The following LYRM4 variants were observed in gnomAD, a reference collection of about 807,000 sequenced individuals.
LYRM4 encodes LYR motif containing 4.
LYRM4 carries 9 observed loss-of-function variants against 11.7 expected under a neutral mutation model. That is an observed-to-expected ratio of 0.77 (90% CI 0.46 to 1.34). LYRM4 has a LOEUF of 1.34. LYRM4 is among the 40% of genes most tolerant of loss of function. The pLI is 0.00. For missense variants in LYRM4, 133 were observed against 112.5 expected, an observed-to-expected ratio of 1.18 and a Z score of -0.82; for synonymous variants, 42 against 40.4, an observed-to-expected ratio of 1.04 and a Z score of -0.15.
chr6:5,184,173 A>T lies in LYRM4; in HGVS notation c.207+32445T>A, dbSNP rs930273555. Among the ~76,000 whole-genome samples, 5 of 152,178 alleles carry T rather than the reference A, an allele frequency of 3.3e-5. No homozygotes were observed. The East Asian group carries it at 9.7e-4, about 29-fold the overall frequency. On this transcript the variant is annotated intron_variant, in intron 2 of 2. Transcript: ENST00000330636. The stretch of plus-strand genomic sequence containing the variant: ...TCAGACTTGCCTGCATTGAAGACAA[A>T]TTTTTTTCATACATATTCTTAACGA...
chr6:5,120,944 C>T (rs564593120), intron 2 of LYRM4, among the ~76,000 whole-genome samples: 1 of 152,304 alleles, frequency 6.6e-6, no homozygotes, highest in Non-Finnish European at 1.5e-5. Context: ...GGTGGCCCAG[C>T]CCTACCTGTG....
chr6:5,108,596 T>G lies in LYRM4; in HGVS notation c.*827A>C. The G allele has an allele frequency of 2.8e-6, 1 of 357,868 alleles. No individual in the cohort carries two copies. Among genetic ancestry groups the G allele is most frequent in the Non-Finnish European group, 3.9e-6 (1 of 255,968 alleles). The allele number at this position is 357,868 out of a possible 1,614,324, so 22.2% of individuals were successfully genotyped here. A position where few individuals can be genotyped will look rare whatever the true frequency, so the allele number is the denominator to read the frequency against. On this transcript the variant is annotated 3_prime_UTR_variant, in exon 3 of 3. Transcript: ENST00000330636. ...AGGGAAGTGCTGAGAGATGTCTTTT[T>G]AAAAAGCTCTCCAACTCTCCAGGTG...
At chr6:5,180,776 C>A (rs1036564246) in intron 2 of LYRM4, among the ~76,000 whole-genome samples, 3 of 152,210 alleles carry the variant, frequency 2.0e-5, no homozygotes, top group African/African-American at 7.2e-5. Flanking sequence ...ATTCTCCTTG[C>A]CAATCCTAGC....
chr6:5,244,754 C>A (rs1374675437), intron 1 of LYRM4, among the ~76,000 whole-genome samples: 1 of 151,860 alleles, frequency 6.6e-6, no homozygotes, highest in Non-Finnish European at 1.5e-5. Flanking sequence ...TGACAGGCTG[C>A]ACACATGGAC....
At position 5,142,880 on chromosome 6, in the gene LYRM4, C is replaced by T. The variant is rs141745752; in HGVS notation, c.208-33389G>A. On this transcript the variant is annotated intron_variant, in intron 2 of 2. Coordinates refer to ENST00000330636, the MANE Select transcript of LYRM4 (RefSeq NM_020408.6). ...CTTTCCCTAAGGAGAGCGCAGCCATCCCCAGCCATGGACCCTTGGCCTGCT... is the reference window on the plus strand; with the variant it reads ...CTTTCCCTAAGGAGAGCGCAGCCATTCCCAGCCATGGACCCTTGGCCTGCT... Among the ~76,000 whole-genome samples the T allele has an allele frequency of 9.8e-5, 15 of 152,336 alleles. No homozygotes were observed. The East Asian group carries it at 2.7e-3, about 27-fold the overall frequency.
the LYRM4 span, among the ~76,000 whole-genome samples, chr6:5,079,827 C>A: frequency 6.6e-6 from 1 of 152,218 alleles, no homozygotes; most frequent in Non-Finnish European, 1.5e-5. Flanking sequence ...GAATTAAACA[C>A]CATTTGTCCT....
At chr6:5,196,126 C>T (rs1330916047) in intron 2 of LYRM4, among the ~76,000 whole-genome samples, 1 of 152,180 alleles carries the variant, frequency 6.6e-6, no homozygotes, top group Non-Finnish European at 1.5e-5. Flanking sequence ...CACTCAAGGA[C>T]GCTGGGGCAA....
intron 2 of LYRM4, among the ~76,000 whole-genome samples, chr6:5,167,021 A>G (rs1280364096): frequency 6.6e-6 from 1 of 152,142 alleles, no homozygotes; most frequent in Non-Finnish European, 1.5e-5. Context: ...GCCCAGCCCA[A>G]TGCCTGCTTT....
chr6:5,238,809 G>A (rs1262493516), intron 1 of LYRM4, among the ~76,000 whole-genome samples: 1 of 152,160 alleles, frequency 6.6e-6, no homozygotes, highest in Non-Finnish European at 1.5e-5. Context: ...AATTTTATAA[G>A]CAAATCCAAC....
chr6:5,061,476 C>G, the LYRM4 span, among the ~76,000 whole-genome samples: 1 of 152,228 alleles, frequency 6.6e-6, no homozygotes. Flanking sequence ...TTAATCCTAT[C>G]TATGTCATAA....
chr6:5,076,323 A>G, the LYRM4 span, among the ~76,000 whole-genome samples: 1 of 152,116 alleles, frequency 6.6e-6, no homozygotes, highest in Non-Finnish European at 1.5e-5. Flanking sequence ...CAGCCAGAGT[A>G]ACTTGCATGT....
At chr6:5,067,077 T>C in the LYRM4 span, 6 of 320,872 alleles carry the variant, frequency 1.9e-5, no homozygotes, top group African/African-American at 1.3e-4. Context: ...GAAACATACA[T>C]ATATGCACTT....
rs1561800754 is a variant in LYRM4, at chr6:5,108,893, G to GC, written c.*529dup. ...GCAGGGTGCACCGTGTATCCCCGTA[G>GC]CCCTGCCCTACTCCATGCTGCCCCC... On this transcript the variant is annotated 3_prime_UTR_variant, in exon 3 of 3. Coordinates refer to ENST00000330636, the MANE Select transcript of LYRM4 (RefSeq NM_020408.6). 1 of 990,918 alleles carries GC rather than the reference G, an allele frequency of 1.0e-6. No individual in the cohort carries two copies. Among genetic ancestry groups the GC allele is most frequent in the Non-Finnish European group, 1.2e-6 (1 of 832,872 alleles). 61.4% of individuals were successfully genotyped at this position (990,918 alleles called of 1,614,324 possible).
chr6:5,237,959 C>G (rs1181087297), intron 1 of LYRM4, among the ~76,000 whole-genome samples: 1 of 152,144 alleles, frequency 6.6e-6, no homozygotes. Flanking sequence ...ATCACAGACA[C>G]TCTGACTCAC....
At chr6:5,132,564 G>A (rs1192096532) in intron 2 of LYRM4, among the ~76,000 whole-genome samples, 3 of 152,204 alleles carry the variant, frequency 2.0e-5, no homozygotes. Context: ...GAAAGTGGGA[G>A]GTTTGATTTC....
intron 2 of LYRM4, among the ~76,000 whole-genome samples, chr6:5,134,117 T>C (rs1335446378): frequency 1.3e-5 from 2 of 152,210 alleles, no homozygotes; most frequent in East Asian, 1.9e-4. Flanking sequence ...TGGAGTGAAA[T>C]TGCTGGGTCA....
At chr6:5,038,466 C>A in the LYRM4 span, among the ~76,000 whole-genome samples, 1 of 65,674 alleles carries the variant, frequency 1.5e-5, no homozygotes. Flanking sequence ...GAGACGCTCC[C>A]CACTTCCCAG....
intron 2 of LYRM4, among the ~76,000 whole-genome samples, chr6:5,213,337 G>T (rs929045259): frequency 2.6e-5 from 4 of 152,178 alleles, no homozygotes; most frequent in Admixed American, 2.6e-4. Flanking sequence ...GGGTGGAGGG[G>T]TATCATTAGC....
At chr6:5,245,114 A>AAAATATATATATATG (rs1764114836) in intron 1 of LYRM4, among the ~76,000 whole-genome samples, 1 of 12,044 alleles carries the variant, frequency 8.3e-5, no homozygotes, top group Non-Finnish European at 1.5e-4. Flanking sequence ...AAAAAAAAAA[A>AAAATATATATATATG]TATATATATA....
Sources: gnomAD v4.1 joint callset for allele counts (sites outside exome capture counted in the v4.1 genomes callset) on GRCh38, gnomAD v4.1.1 for gene constraint, MANE v1.5 for transcripts, NCBI Gene and HGNC (gene_info 2026-07-23, HGNC 2026-07-21) for gene names.